CLEC16A: variants seen among roughly 807,000 people sequenced by gnomAD.
CLEC16A encodes the protein protein CLEC16A.
Under a neutral mutation model 109.5 loss-of-function variants are expected in CLEC16A, and 51 were observed. That is an observed-to-expected ratio of 0.47 (90% CI 0.37 to 0.59). The LOEUF is 0.59. CLEC16A is among the 20% of genes least tolerant of loss of function. The pLI is 0.00. For missense variants in CLEC16A, 1,339 were observed against 1,394.0 expected (o/e 0.96, Z 0.63); for synonymous variants, 673 against 564.2 (o/e 1.19, Z -2.73).
rs1893580996 is a variant in CLEC16A at position 11,105,804 on chromosome 16, C to T, written c.2117-14811C>T. Reference sequence around the variant, plus strand: ...AAAGACAGCCAACCCTTCACACAGCCACTGCTCAGATAGTTGCTGAGTGAG... The same window carrying T: ...AAAGACAGCCAACCCTTCACACAGCTACTGCTCAGATAGTTGCTGAGTGAG... On this transcript the variant is annotated intron_variant, in intron 19 of 23. Transcript: ENST00000409790. Among the ~76,000 whole-genome samples, 7 of 152,304 alleles carry T rather than the reference C, an allele frequency of 4.6e-5. No homozygotes were observed. In the South Asian group the frequency reaches 1.5e-3, roughly 32 times the overall value.
chr16:11,138,766 G>T (rs968127821), intron 22 of CLEC16A, among the ~76,000 whole-genome samples: 3 of 152,080 alleles, frequency 2.0e-5, no homozygotes, highest in Non-Finnish European at 4.4e-5. Flanking sequence ...GTTCGCAGGC[G>T]CACCCTCATT....
rs1465958952 is a variant in CLEC16A at position 10,991,576 on chromosome 16, G to A, written c.1071+8585G>A. Reference sequence around the variant, plus strand: ...AGAGAACAAGTGTCCAAGGGACATGGCACCTATGTGCCATTGGAGGACTCA... The same window carrying A: ...AGAGAACAAGTGTCCAAGGGACATGACACCTATGTGCCATTGGAGGACTCA... On this transcript the variant is annotated intron_variant, in intron 10 of 23. Transcript: ENST00000409790. 3.3e-5 allele frequency among the ~76,000 whole-genome samples: 5 copies of A among 152,334 alleles called. No homozygotes were observed. In the East Asian group the frequency reaches 7.7e-4, roughly 23 times the overall value.
chr16:11,126,210 C>G, intron 22 of CLEC16A, 64 bp downstream of exon 22: 1 of 1,601,386 alleles, frequency 6.2e-7, no homozygotes, highest in Non-Finnish European at 8.5e-7. Flanking sequence ...AGGTCTTTCT[C>G]TCTGTGGAGC....
intron 11 of CLEC16A, among the ~76,000 whole-genome samples, chr16:11,010,057 G>A (rs1307349125): frequency 6.6e-6 from 1 of 152,172 alleles, no homozygotes; most frequent in African/African-American, 2.4e-5. Context: ...GGAGGCTGAG[G>A]TGGAAGGATC....
chr16:11,162,933 C>G (rs1341151999), intron 22 of CLEC16A, among the ~76,000 whole-genome samples: 1 of 151,996 alleles, frequency 6.6e-6, no homozygotes, highest in Admixed American at 6.6e-5. Flanking sequence ...GCCTCTGATA[C>G]ACATTTTGCA....
intron 18 of CLEC16A, among the ~76,000 whole-genome samples, chr16:11,057,213 G>C (rs1252794253): frequency 6.6e-6 from 1 of 152,184 alleles, no homozygotes. Context: ...TTTTAAGAAT[G>C]ACTGACTTTC....
At chr16:11,135,358 G>T (rs1006219145) in intron 22 of CLEC16A, among the ~76,000 whole-genome samples, 1 of 152,146 alleles carries the variant, frequency 6.6e-6, no homozygotes, top group African/African-American at 2.4e-5. Flanking sequence ...TCCCGGATCC[G>T]GGCCTGCAAG....
At chr16:11,018,286 AAAG>A (rs2045883519) in intron 11 of CLEC16A, among the ~76,000 whole-genome samples, 1 of 136,792 alleles carries the variant, frequency 7.3e-6, no homozygotes, top group Non-Finnish European at 1.6e-5. Context: ...CTGTCTCAAA[AAAG>A]AAAAAAAAAA....
At chr16:10,979,426 C>G in intron 9 of CLEC16A, 44 bp downstream of exon 9, 1 of 1,555,540 alleles carries the variant, frequency 6.4e-7, no homozygotes, top group Non-Finnish European at 8.8e-7. Context: ...ATTTGGGGTC[C>G]CTTGGCGTGC....
At chr16:11,171,487 G>A (rs77114982) in intron 23 of CLEC16A, among the ~76,000 whole-genome samples, 16 of 152,166 alleles carry the variant, frequency 1.1e-4, no homozygotes, top group African/African-American at 2.4e-4. Context: ...GGGAGAGCCC[G>A]ACACCCTCCC....
intron 4 of CLEC16A, among the ~76,000 whole-genome samples, chr16:10,970,634 C>T (rs986941880): frequency 1.3e-5 from 2 of 152,212 alleles, no homozygotes; most frequent in East Asian, 1.9e-4. Context: ...AAACTCCTGA[C>T]CTCAAGCAAT....
chr16:11,026,200 ATAT>A (rs1375461868), intron 13 of CLEC16A, among the ~76,000 whole-genome samples: 1 of 152,216 alleles, frequency 6.6e-6, no homozygotes, highest in East Asian at 1.9e-4. Context: ...GAATTGAGAA[ATAT>A]TATCTTCTCC....
At chr16:11,157,073 G>T (rs947422690) in intron 22 of CLEC16A, 1 of 1,302,622 alleles carries the variant, frequency 7.7e-7, no homozygotes, top group South Asian at 1.2e-5. Flanking sequence ...TTTCTTTTCT[G>T]CAGGTTTTCA....
chr16:10,987,139 A>G (rs1208097945), intron 10 of CLEC16A, among the ~76,000 whole-genome samples: 1 of 151,880 alleles, frequency 6.6e-6, no homozygotes, highest in Non-Finnish European at 1.5e-5. Context: ...TACAGGTGTG[A>G]GCCACTGCAC....
chr16:10,989,593 C>G (rs1324564176), intron 10 of CLEC16A, among the ~76,000 whole-genome samples: 1 of 152,136 alleles, frequency 6.6e-6, no homozygotes, highest in Non-Finnish European at 1.5e-5. Context: ...GTTGTGAAGT[C>G]AGGGTCTGAG....
chr16:10,951,126 G>T (rs558219660), intron 1 of CLEC16A, among the ~76,000 whole-genome samples: 2 of 152,204 alleles, frequency 1.3e-5, no homozygotes, highest in East Asian at 1.9e-4. Flanking sequence ...ATTTGTTTAC[G>T]TCTGTCATCC....
At chr16:11,028,180 A>G (rs1188801857) in intron 13 of CLEC16A, among the ~76,000 whole-genome samples, 1 of 152,250 alleles carries the variant, frequency 6.6e-6, no homozygotes, top group Non-Finnish European at 1.5e-5. Flanking sequence ...AGCCTGGGCA[A>G]CGAGCGAAAC....
At chr16:11,035,783 TC>T (rs1319800946) in intron 13 of CLEC16A, among the ~76,000 whole-genome samples, 1 of 152,220 alleles carries the variant, frequency 6.6e-6, no homozygotes, top group Non-Finnish European at 1.5e-5. Context: ...ACTCTGTCCT[TC>T]CCCAGAGAGA....
intron 10 of CLEC16A, among the ~76,000 whole-genome samples, chr16:10,995,473 C>T (rs1470084689): frequency 6.6e-6 from 1 of 152,168 alleles, no homozygotes; most frequent in Non-Finnish European, 1.5e-5. Flanking sequence ...AGAAGGCCAG[C>T]GAGCAGTAAG....
Sources: gnomAD v4.1 joint callset for allele counts (sites outside exome capture counted in the v4.1 genomes callset) on GRCh38, gnomAD v4.1.1 for gene constraint, MANE v1.5 for transcripts, NCBI Gene and HGNC (gene_info 2026-07-23, HGNC 2026-07-21) for gene names.